Variants in JAZF1 observed in about 807,000 individuals in gnomAD.
JAZF1 encodes the protein juxtaposed with another zinc finger protein 1.
In JAZF1, 8 loss-of-function variants were observed where a neutral mutation model predicts 26.4. The ratio of observed to expected loss-of-function variants is 0.30; its 90% CI spans 0.18 to 0.55. The LOEUF is 0.55. JAZF1 is among the 20% of genes least tolerant of loss of function. The pLI, the probability that JAZF1 is intolerant of heterozygous loss-of-function variation, is 0.94. For missense variants in JAZF1, 199 were observed against 322.0 expected, an observed-to-expected ratio of 0.62 and a Z score of 2.92; for synonymous variants, 126 against 122.3, an observed-to-expected ratio of 1.03 and a Z score of -0.20.
chr7:27,943,476 C>T (rs1053749964), intron 2 of JAZF1, among the ~76,000 whole-genome samples: 6 of 152,142 alleles, frequency 3.9e-5, no homozygotes, highest in Non-Finnish European at 5.9e-5. Context: ...GAAAGGAATG[C>T]GATCATTTCC....
At chr7:28,160,512 T>C (rs1395650936) in intron 1 of JAZF1, among the ~76,000 whole-genome samples, 1 of 152,142 alleles carries the variant, frequency 6.6e-6, no homozygotes, top group East Asian at 1.9e-4. Context: ...AGGGAGGCTG[T>C]TGGGTGAGAT....
intron 2 of JAZF1, among the ~76,000 whole-genome samples, chr7:27,976,765 A>G (rs537923273): frequency 6.6e-6 from 1 of 152,354 alleles, no homozygotes; most frequent in African/African-American, 2.4e-5. Flanking sequence ...TTTGTATTAA[A>G]AAAATAGAAG....
chr7:27,994,441 C>CAA (rs781162884), intron 1 of JAZF1, among the ~76,000 whole-genome samples: 84 of 74,362 alleles, frequency 1.1e-3, no homozygotes, highest in South Asian at 3.6e-3. Flanking sequence ...CTCTCCATCA[C>CAA]AAAAAAAAAA....
chr7:28,151,250 C>T (rs1023258537), intron 1 of JAZF1, among the ~76,000 whole-genome samples: 3 of 151,682 alleles, frequency 2.0e-5, no homozygotes, highest in Admixed American at 6.5e-5. Context: ...ATTACAGGCA[C>T]ATGCCACCAC....
chr7:27,884,977 C>G (rs573501742), intron 3 of JAZF1, among the ~76,000 whole-genome samples: 12 of 152,268 alleles, frequency 7.9e-5, no homozygotes, highest in Non-Finnish European at 1.2e-4. Flanking sequence ...CTGCTCCCCT[C>G]TCCCCTCAGA....
intron 3 of JAZF1, among the ~76,000 whole-genome samples, chr7:27,892,504 C>T (rs899592203): frequency 6.6e-6 from 1 of 152,092 alleles, no homozygotes; most frequent in Non-Finnish European, 1.5e-5. Flanking sequence ...GGGGCAGTCA[C>T]AGTTATCTGG....
chr7:28,159,895 T>G (rs1398666996), intron 1 of JAZF1, among the ~76,000 whole-genome samples: 4 of 152,224 alleles, frequency 2.6e-5, no homozygotes, highest in Admixed American at 6.5e-5. Context: ...CTGATACCCC[T>G]TATAAGCGAA....
chr7:27,888,145 A>G (rs1292188529), intron 3 of JAZF1, among the ~76,000 whole-genome samples: 1 of 152,198 alleles, frequency 6.6e-6, no homozygotes, highest in Non-Finnish European at 1.5e-5. Flanking sequence ...GATCAATACG[A>G]AGATTTTAGG....
At chr7:27,925,671 C>A (rs1274007214) in intron 2 of JAZF1, among the ~76,000 whole-genome samples, 1 of 152,200 alleles carries the variant, frequency 6.6e-6, no homozygotes, top group Non-Finnish European at 1.5e-5. Context: ...AAGGGATCCT[C>A]TCGCCTCAGC....
intron 2 of JAZF1, among the ~76,000 whole-genome samples, chr7:27,948,112 G>A (rs1784946845): frequency 2.0e-5 from 3 of 152,060 alleles, no homozygotes; most frequent in African/African-American, 4.8e-5. Context: ...GGTGATATTC[G>A]GGTCACTGAT....
intron 1 of JAZF1, among the ~76,000 whole-genome samples, chr7:28,087,832 T>C (rs1195638555): frequency 2.0e-5 from 3 of 152,234 alleles, no homozygotes; most frequent in Non-Finnish European, 4.4e-5. Flanking sequence ...CCTTTTGTTT[T>C]CCTTAATCAA....
intron 1 of JAZF1, among the ~76,000 whole-genome samples, chr7:28,073,189 G>A (rs995459057): frequency 1.3e-5 from 2 of 152,146 alleles, no homozygotes; most frequent in African/African-American, 4.8e-5. Context: ...TTTAAAATAA[G>A]CAACTAATAT....
intron 1 of JAZF1, chr7:28,180,242 C>T (rs1783620539): frequency 7.3e-6 from 1 of 136,302 alleles, no homozygotes; most frequent in Non-Finnish European, 1.6e-5. Context: ...CGCCCGCCCG[C>T]GGCACCTCGG....
intron 1 of JAZF1, among the ~76,000 whole-genome samples, chr7:28,149,618 A>C (rs1416608072): frequency 2.0e-5 from 3 of 152,178 alleles, no homozygotes; most frequent in African/African-American, 7.2e-5. Flanking sequence ...ATAAAGAGGC[A>C]ATGGGAAAGC....
chr7:28,087,395 T>A (rs1784227900), intron 1 of JAZF1, among the ~76,000 whole-genome samples: 1 of 152,046 alleles, frequency 6.6e-6, no homozygotes, highest in Non-Finnish European at 1.5e-5. Context: ...AGAACAGTCC[T>A]CAAAAGTGAT....
At chr7:27,983,821 C>A (rs186555935) in intron 2 of JAZF1, among the ~76,000 whole-genome samples, 220 of 152,318 alleles carry the variant, frequency 1.4e-3, no homozygotes, top group East Asian at 1.5e-3. Flanking sequence ...AAAGGATTTT[C>A]AACCCAGAAT....
chr7:27,857,875 T>C (rs908766213), intron 3 of JAZF1, among the ~76,000 whole-genome samples: 2 of 152,164 alleles, frequency 1.3e-5, no homozygotes, highest in Non-Finnish European at 2.9e-5. Context: ...CTATTCAACA[T>C]ACAATTGGAA....
intron 1 of JAZF1, among the ~76,000 whole-genome samples, chr7:28,040,395 A>G (rs994370189): frequency 1.3e-5 from 2 of 152,224 alleles, no homozygotes; most frequent in African/African-American, 4.8e-5. Flanking sequence ...GAAAATATCG[A>G]AGAGAGATGA....
At chr7:28,043,660 C>T (rs1413063562) in intron 1 of JAZF1, among the ~76,000 whole-genome samples, 2 of 152,040 alleles carry the variant, frequency 1.3e-5, no homozygotes, top group Admixed American at 1.3e-4. Flanking sequence ...AGAGTGGATA[C>T]AATTGTTCAA....
Sources: allele counts gnomAD v4.1 joint callset (sites outside exome capture counted in the v4.1 genomes callset), GRCh38; gene constraint gnomAD v4.1.1; transcripts MANE v1.5; gene names NCBI Gene and HGNC (gene_info 2026-07-23, HGNC 2026-07-21).